The following CAMTA1 variants were observed in gnomAD, a reference collection of about 807,000 sequenced individuals.
CAMTA1 encodes calmodulin-binding transcription activator 1.
In CAMTA1, 27 loss-of-function variants were observed where a neutral mutation model predicts 170.9. That is an observed-to-expected ratio of 0.16 (90% confidence interval 0.12 to 0.22). CAMTA1 has a LOEUF of 0.22. Ranked by LOEUF, CAMTA1 falls within the 10% of genes least tolerant of loss-of-function variation. The pLI is 1.00. For missense variants in CAMTA1, 1,619 were observed against 2,217.2 expected, an observed-to-expected ratio of 0.73 and a Z score of 5.42; for synonymous variants, 833 against 891.5, an observed-to-expected ratio of 0.93 and a Z score of 1.17.
At chr1:7,512,443 C>G (rs1016635786) in intron 6 of CAMTA1, among the ~76,000 whole-genome samples, 1 of 152,214 alleles carries the variant, frequency 6.6e-6, no homozygotes, top group Non-Finnish European at 1.5e-5. Context: ...TGCTCGGTAA[C>G]AAACAGTCTG....
chr1:7,577,572 T>G (rs2095212242), intron 6 of CAMTA1, among the ~76,000 whole-genome samples: 1 of 152,064 alleles, frequency 6.6e-6, no homozygotes, highest in Non-Finnish European at 1.5e-5. Flanking sequence ...CTTTTTTTTT[T>G]TAAGCATTGA....
chr1:7,315,435 C>T (rs1677344881), intron 5 of CAMTA1, among the ~76,000 whole-genome samples: 1 of 152,114 alleles, frequency 6.6e-6, no homozygotes, highest in African/African-American at 2.4e-5. Flanking sequence ...CATTTCTTTC[C>T]CTGAATGTAG....
At chr1:6,977,410 G>A (rs762368559) in intron 3 of CAMTA1, among the ~76,000 whole-genome samples, 8 of 151,694 alleles carry the variant, frequency 5.3e-5, no homozygotes, top group African/African-American at 1.9e-4. Context: ...GCGCAGTCTC[G>A]GCTCACTGCA....
At chr1:7,217,477 A>T (rs1478472727) in intron 4 of CAMTA1, among the ~76,000 whole-genome samples, 1 of 152,120 alleles carries the variant, frequency 6.6e-6, no homozygotes, top group East Asian at 1.9e-4. Flanking sequence ...CCAAATTGAA[A>T]ATTTTTTTAT....
chr1:7,457,896 G>A (rs1441474060), intron 5 of CAMTA1, among the ~76,000 whole-genome samples: 2 of 152,132 alleles, frequency 1.3e-5, no homozygotes, highest in Non-Finnish European at 2.9e-5. Context: ...TCCCCCTTCC[G>A]CGGAGCTCCG....
At chr1:7,120,972 G>A (rs1644606544) in intron 4 of CAMTA1, among the ~76,000 whole-genome samples, 2 of 152,208 alleles carry the variant, frequency 1.3e-5, no homozygotes, top group Non-Finnish European at 2.9e-5. Flanking sequence ...CAGGGCCAGG[G>A]TTGTTTTGCA....
rs57435114 is a variant in CAMTA1 at position 7,009,169 on chromosome 1, T to C, written c.235-82135T>C. 2.1e-3 allele frequency among the ~76,000 whole-genome samples: 323 copies of C among 152,362 alleles called. 7 individuals carry two copies. In the East Asian group the frequency reaches 0.039, roughly 18 times the overall value. ...GTCCCTTCCCTTTCTGGGCCCCGTT[T>C]ACTCCTCAGAACAAGGCAGGCTCGG... On this transcript the variant is annotated intron_variant, in intron 3 of 22. Coordinates refer to ENST00000303635, the MANE Select transcript of CAMTA1 (RefSeq NM_015215.4).
intron 5 of CAMTA1, among the ~76,000 whole-genome samples, chr1:7,281,930 C>T (rs1243906348): frequency 6.6e-6 from 1 of 151,560 alleles, no homozygotes; most frequent in East Asian, 2.0e-4. Context: ...GCCAGAAATC[C>T]ATGTTCCTCC....
intron 5 of CAMTA1, among the ~76,000 whole-genome samples, chr1:7,260,187 A>G (rs1008689545): frequency 1.3e-5 from 2 of 152,314 alleles, no homozygotes; most frequent in South Asian, 2.1e-4. Context: ...GATTTGGACC[A>G]TGGATGTAGT....
intron 11 of CAMTA1, among the ~76,000 whole-genome samples, chr1:7,713,933 A>AGCACCGCAGCCAC (rs1553260302): frequency 6.6e-6 from 1 of 152,166 alleles, no homozygotes; most frequent in East Asian, 1.9e-4. Context: ...TTGCCCGGTG[A>AGCACCGCAGCCAC]GCACCGCAGC....
intron 3 of CAMTA1, among the ~76,000 whole-genome samples, chr1:6,909,943 C>T (rs1286460728): frequency 6.6e-6 from 1 of 152,192 alleles, no homozygotes; most frequent in African/African-American, 2.4e-5. Flanking sequence ...GCTGGTTGCC[C>T]CAAGGGTGGC....
At chr1:7,127,163 C>T (rs1226727480) in intron 4 of CAMTA1, among the ~76,000 whole-genome samples, 5 of 150,232 alleles carry the variant, frequency 3.3e-5, no homozygotes, top group Admixed American at 1.3e-4. Flanking sequence ...CAGCTGGGCA[C>T]TATGCAACCC....
At position 7,509,862 on chromosome 1, in the gene CAMTA1, A is replaced by G. The variant is rs2094176340; in HGVS notation, c.510+41961A>G. On this transcript the variant is annotated intron_variant, in intron 6 of 22. Coordinates refer to ENST00000303635, the MANE Select transcript of CAMTA1 (RefSeq NM_015215.4). Reference sequence around the variant, plus strand: ...GCCAGCCAGGCGAGCTATGTGGTCCAAAGTCTGCTCATAAAGGATTTTCCA... The same window carrying G: ...GCCAGCCAGGCGAGCTATGTGGTCCGAAGTCTGCTCATAAAGGATTTTCCA... 3.3e-5 allele frequency among the ~76,000 whole-genome samples: 5 copies of G among 152,128 alleles called. No individual in the cohort carries two copies. In the South Asian group the frequency reaches 1.0e-3, roughly 32 times the overall value.
chr1:7,499,616 G>A (rs541838534), intron 6 of CAMTA1, among the ~76,000 whole-genome samples: 1 of 138,614 alleles, frequency 7.2e-6, no homozygotes, highest in East Asian at 3.0e-4. Flanking sequence ...GTGTGTGTGT[G>A]CATGAGTGAG....
chr1:7,686,148 G>C (rs2096255785), intron 11 of CAMTA1, among the ~76,000 whole-genome samples: 2 of 152,162 alleles, frequency 1.3e-5, no homozygotes, highest in Non-Finnish European at 1.5e-5. Context: ...TGGGTGCCAG[G>C]CACTGTTCTG....
chr1:7,080,401 G>A lies in CAMTA1; in HGVS notation c.235-10903G>A, dbSNP rs548676966. On this transcript the variant is annotated intron_variant, in intron 3 of 22. Coordinates refer to ENST00000303635, the MANE Select transcript of CAMTA1 (RefSeq NM_015215.4). ...AAACTTGCTATAAAGACCTCAATAC[G>A]GCAATTTGATATCTCCTCCCAAATA... 2.6e-5 allele frequency among the ~76,000 whole-genome samples: 4 copies of A among 152,166 alleles called. No individual in the cohort carries two copies. In the South Asian group the frequency reaches 8.3e-4, roughly 32 times the overall value.
At chr1:7,090,354 C>G (rs1170372183) in intron 3 of CAMTA1, among the ~76,000 whole-genome samples, 1 of 152,200 alleles carries the variant, frequency 6.6e-6, no homozygotes, top group East Asian at 1.9e-4. Flanking sequence ...TCTAGGAACC[C>G]CGGCTGCAGA....
chr1:7,601,670 C>A (rs536925140), intron 6 of CAMTA1, among the ~76,000 whole-genome samples: 2,318 of 152,120 alleles, frequency 0.015, 63 homozygotes, highest in African/African-American at 0.053. Flanking sequence ...TGAGTGAACG[C>A]GACTCCGTCT....
chr1:7,503,525 CCCA>C (rs1227935173), intron 6 of CAMTA1, among the ~76,000 whole-genome samples: 1 of 152,206 alleles, frequency 6.6e-6, no homozygotes, highest in Non-Finnish European at 1.5e-5. Context: ...GCTGCCCTCC[CCCA>C]CCATTTCCAG....
Sources: gnomAD v4.1 joint callset for allele counts (sites outside exome capture counted in the v4.1 genomes callset) on GRCh38, gnomAD v4.1.1 for gene constraint, MANE v1.5 for transcripts, NCBI Gene and HGNC (gene_info 2026-07-23, HGNC 2026-07-21) for gene names.